Variants in PALS2 observed in about 807,000 individuals in gnomAD.
PALS2 encodes the protein protein PALS2.
A neutral mutation model predicts 61.6 loss-of-function variants in PALS2; 27 were observed. That is an observed-to-expected ratio of 0.44 (90% confidence interval 0.32 to 0.60). PALS2 has a LOEUF of 0.60. Ranked by LOEUF, PALS2 falls within the 20% of genes least tolerant of loss-of-function variation. The pLI is 0.05. For missense variants in PALS2, 554 were observed against 639.4 expected (o/e 0.87, Z 1.44); for synonymous variants, 236 against 218.6 (o/e 1.08, Z -0.70).
rs1170779509 is a variant in PALS2, at chr7:24,623,679, C to T, written c.12C>T (p.Val4=). The part of the protein sequence containing the change: MQQ[V]LENLTELPSS... Reference sequence around the variant, plus strand: ...TTATCTCAGCAGCAATGCAGCAAGTCTTGGAAAACCTTACGGAGCTGCCCT... The same window carrying T: ...TTATCTCAGCAGCAATGCAGCAAGTTTTGGAAAACCTTACGGAGCTGCCCT... Residue 4 remains valine (V), a synonymous_variant, in exon 2 of 12, where the codon GTC becomes GTT. Coordinates refer to ENST00000222644, the MANE Select transcript of PALS2 (RefSeq NM_001303037.2). 6.3e-7 allele frequency: 1 copy of T among 1,579,340 alleles called. No individual in the cohort carries two copies. The highest frequency in any genetic ancestry group is 8.6e-7 in the Non-Finnish European group (1 of 1,165,370).
At chr7:24,580,220 A>G (rs530990211) in intron 1 of PALS2, among the ~76,000 whole-genome samples, 1 of 152,286 alleles carries the variant, frequency 6.6e-6, no homozygotes, top group South Asian at 2.1e-4. Flanking sequence ...TTTTACCATG[A>G]AGTGACTCTG....
In PALS2 at chr7:24,687,854, A is replaced by C; in HGVS notation, c.*240A>C. 1 of 333,290 alleles carries C rather than the reference A, an allele frequency of 3.0e-6. No individual in the cohort carries two copies. The highest frequency in any genetic ancestry group is 5.3e-6 in the Non-Finnish European group (1 of 188,260). 20.6% of individuals were successfully genotyped at this position (333,290 alleles called of 1,614,324 possible). ...TTGTATGGATAATCTTTCTATTCATATCACATAAAGAAATGCGTTGAAGCA... is the reference window on the plus strand; with the variant it reads ...TTGTATGGATAATCTTTCTATTCATCTCACATAAAGAAATGCGTTGAAGCA... On this transcript the variant is annotated 3_prime_UTR_variant, in exon 12 of 12. Transcript: ENST00000222644. The surrounding 1 kb of genome is among the most constrained non-coding windows in gnomAD (Gnocchi z 4.5).
rs1426292917 is a variant in PALS2 at position 24,693,440 on chromosome 7, C to G, written c.*5826C>G. The G allele has an allele frequency of 6.6e-6, 1 of 152,134 alleles. No homozygotes were observed. The highest frequency in any genetic ancestry group is 3.2e-3 in the Middle Eastern group (1 of 316). 9.4% of individuals were successfully genotyped at this position (152,134 alleles called of 1,614,324 possible). ...ATACTCATCTGATGTAAAAACTCAT[C>G]AGCTGTAAATTACCAACATTAAACC... On this transcript the variant is annotated 3_prime_UTR_variant, in exon 12 of 12. Transcript: ENST00000222644.
intron 3 of PALS2, among the ~76,000 whole-genome samples, chr7:24,642,899 G>T (rs952078382): frequency 6.6e-6 from 1 of 152,178 alleles, no homozygotes; most frequent in African/African-American, 2.4e-5. Flanking sequence ...TGTGGAGGGG[G>T]AGATGAATAG....
chr7:24,682,189 G>GT (rs1234541240), intron 11 of PALS2, among the ~76,000 whole-genome samples: 60 of 152,272 alleles, frequency 3.9e-4, no homozygotes, highest in African/African-American at 1.3e-3. Flanking sequence ...AATAAGGCAA[G>GT]ACCCATTTGG....
intron 1 of PALS2, among the ~76,000 whole-genome samples, chr7:24,581,341 A>G (rs77190854): frequency 0.11 from 16,320 of 151,682 alleles, 1,490 homozygotes; most frequent in East Asian, 0.48. Flanking sequence ...GAAGGCATTT[A>G]GTGCTCTCTG....
At chr7:24,598,745 G>T (rs983287412) in intron 1 of PALS2, among the ~76,000 whole-genome samples, 1 of 152,104 alleles carries the variant, frequency 6.6e-6, no homozygotes. Flanking sequence ...TCTAATATTT[G>T]GACTATGTTT....
chr7:24,575,665 A>G (rs914078629), intron 1 of PALS2, among the ~76,000 whole-genome samples: 4 of 152,214 alleles, frequency 2.6e-5, no homozygotes, highest in African/African-American at 9.6e-5. Context: ...TTTTAATTAA[A>G]TGTCTTTCAT....
rs1330946474 is a variant in PALS2, at chr7:24,693,691, C to G, written c.*6077C>G. 6.6e-6 allele frequency: 1 copy of G among 152,122 alleles called. No individual in the cohort carries two copies. The highest frequency in any genetic ancestry group is 2.4e-5 in the African/African-American group (1 of 41,436). 9.4% of individuals were successfully genotyped at this position (152,122 alleles called of 1,614,324 possible). A position where few individuals can be genotyped will look rare whatever the true frequency, so the allele number is the denominator to read the frequency against. ...AATATTTCTTATGTCTCTGTATTCTCTTTTAAAAAGAACTGCTGACTGGCT... is the reference window on the plus strand; with the variant it reads ...AATATTTCTTATGTCTCTGTATTCTGTTTTAAAAAGAACTGCTGACTGGCT... On this transcript the variant is annotated 3_prime_UTR_variant, in exon 12 of 12. Coordinates refer to ENST00000222644, the MANE Select transcript of PALS2 (RefSeq NM_001303037.2).
intron 5 of PALS2, among the ~76,000 whole-genome samples, chr7:24,654,448 A>G (rs1171463675): frequency 6.6e-6 from 1 of 152,214 alleles, no homozygotes; most frequent in Non-Finnish European, 1.5e-5. Flanking sequence ...AGATGAAGAC[A>G]CAAAACTCAA....
At chr7:24,580,871 T>C (rs1317816154) in intron 1 of PALS2, among the ~76,000 whole-genome samples, 1 of 152,254 alleles carries the variant, frequency 6.6e-6, no homozygotes, top group Non-Finnish European at 1.5e-5. Flanking sequence ...TCAAGGTCTA[T>C]GTTAAATGCT....
chr7:24,590,941 C>G (rs1783261592), intron 1 of PALS2, among the ~76,000 whole-genome samples: 1 of 150,962 alleles, frequency 6.6e-6, no homozygotes, highest in Non-Finnish European at 1.5e-5. Context: ...AGGGTACCTT[C>G]TTTGCCAAAC....
rs535808370 is a variant in PALS2 at position 24,594,526 on chromosome 7, A to C, written c.-3+20933A>C. Among the ~76,000 whole-genome samples, 14 of 152,218 alleles carry C rather than the reference A, an allele frequency of 9.2e-5. 1 individual carries two copies. The East Asian group carries it at 2.7e-3, about 29-fold the overall frequency. ...GACTTGCTCCTCTTCCTTTCACTTG[A>C]ACTCTTAGAGATTATTGTAGAATTA... is the stretch of plus-strand genomic sequence containing the variant. On this transcript the variant is annotated intron_variant, in intron 1 of 11. Coordinates refer to ENST00000222644, the MANE Select transcript of PALS2 (RefSeq NM_001303037.2).
chr7:24,685,362 A>G (rs1788140619), intron 11 of PALS2, among the ~76,000 whole-genome samples: 1 of 152,214 alleles, frequency 6.6e-6, no homozygotes, highest in Non-Finnish European at 1.5e-5. Flanking sequence ...TTGCTCCAAC[A>G]TAAATCTTAA....
chr7:24,603,698 A>G (rs1783795937), intron 1 of PALS2, among the ~76,000 whole-genome samples: 1 of 152,212 alleles, frequency 6.6e-6, no homozygotes, highest in South Asian at 2.1e-4. Context: ...TCCATCATTA[A>G]GCTTTACAGA....
chr7:24,651,003 T>C (rs1786121726), intron 5 of PALS2, among the ~76,000 whole-genome samples: 1 of 152,150 alleles, frequency 6.6e-6, no homozygotes, highest in South Asian at 2.1e-4. Context: ...ACTAATCTAG[T>C]AAACATTTCT....
intron 9 of PALS2, among the ~76,000 whole-genome samples, chr7:24,672,038 A>G (rs74866649): frequency 1.9e-3 from 288 of 151,038 alleles, no homozygotes; most frequent in African/African-American, 6.7e-3. Flanking sequence ...ACATTTCTAT[A>G]TAAATTATAA....
intron 11 of PALS2, among the ~76,000 whole-genome samples, chr7:24,685,598 T>A (rs934954014): frequency 1.3e-5 from 2 of 151,766 alleles, no homozygotes; most frequent in African/African-American, 2.4e-5. Context: ...AGAGAGAGAA[T>A]CTTTATTCCT....
At chr7:24,595,527 T>A (rs866425783) in intron 1 of PALS2, among the ~76,000 whole-genome samples, 1 of 131,168 alleles carries the variant, frequency 7.6e-6, no homozygotes, top group African/African-American at 2.8e-5. Context: ...ATATATATAA[T>A]ATATAATATA....
Sources: allele counts gnomAD v4.1 joint callset (sites outside exome capture counted in the v4.1 genomes callset), GRCh38; gene constraint gnomAD v4.1.1; non-coding constraint Gnocchi (gnomAD v3.1); transcripts MANE v1.5; gene names NCBI Gene and HGNC (gene_info 2026-07-23, HGNC 2026-07-21).